The following EEF1AKMT4 variants were observed in gnomAD, a reference collection of about 807,000 sequenced individuals.
The protein encoded by EEF1AKMT4 is EEF1A lysine methyltransferase 4.
EEF1AKMT4 carries 17 observed loss-of-function variants against 23.0 expected under a neutral mutation model. The observed-to-expected ratio is 0.74, with a 90% CI of 0.51 to 1.11. EEF1AKMT4 has a LOEUF of 1.11. Ranked by LOEUF, EEF1AKMT4 falls within the 50% of genes least tolerant of loss-of-function variation. EEF1AKMT4 has a pLI of 0.00. For missense variants in EEF1AKMT4, 318 were observed against 333.4 expected, an observed-to-expected ratio of 0.95 and a Z score of 0.36; for synonymous variants, 140 against 141.4, an observed-to-expected ratio of 0.99 and a Z score of 0.07.
chr3:184,257,002 T>C (rs1685121394), intron 1 of EEF1AKMT4, among the ~76,000 whole-genome samples: 1 of 151,916 alleles, frequency 6.6e-6, no homozygotes, highest in Non-Finnish European at 1.5e-5. Flanking sequence ...TAATGCATCA[T>C]ATCCTGTATA....
intron 1 of EEF1AKMT4, among the ~76,000 whole-genome samples, chr3:184,255,240 G>A (rs1485197183): frequency 1.3e-5 from 2 of 152,186 alleles, no homozygotes; most frequent in Admixed American, 6.5e-5. Flanking sequence ...ACTAAGTCAG[G>A]TTCTGCCACC....
Position 184,257,503 on chromosome 3 carries a change from T to C in EEF1AKMT4, c.227T>C (p.Leu76Pro), listed in dbSNP as rs1719864729. Residue 76 changes from leucine (L) to proline (P), a missense_variant, in exon 2 of 3, where the codon CTG becomes CCG. By Grantham distance (98) the Leu-to-Pro change is moderately conservative (BLOSUM62 -3). Transcript: ENST00000324557. ...GGGAACAGTGCCCTGAGCTACGAGCTGTTCCTCGGAGGCTTCCCTAATGTG... is the reference window on the plus strand; with the variant it reads ...GGGAACAGTGCCCTGAGCTACGAGCCGTTCCTCGGAGGCTTCCCTAATGTG... ...GCGNSALSYELFLGGFPNVTS... is the reference protein window; with the variant it reads ...GCGNSALSYEPFLGGFPNVTS... The C allele has an allele frequency of 6.2e-7, 1 of 1,609,384 alleles. No individual in the cohort carries two copies. The highest frequency in any genetic ancestry group is 2.2e-5 in the East Asian group (1 of 44,762).
intron 1 of EEF1AKMT4, among the ~76,000 whole-genome samples, chr3:184,250,716 TA>T (rs1471599255): frequency 6.6e-6 from 1 of 152,244 alleles, no homozygotes; most frequent in Non-Finnish European, 1.5e-5. Flanking sequence ...ATAACAAATC[TA>T]ATGTGTGTGT....
chr3:184,249,772 G>A lies in EEF1AKMT4; in HGVS notation c.78G>A (p.Trp26Ter). The part of the protein sequence containing the change: ...RNCGYREVEY[W>*]DQRYQGAADS... ...GCGGGTACCGCGAAGTCGAGTACTG[G>A]GATCAGCGCTACCAAGGCGCAGCCG... Residue 26 changes from tryptophan (W) to a stop codon, truncating the protein, a stop_gained, in exon 1 of 3, where the codon TGG (tryptophan) becomes TGA (stop). Transcript: ENST00000324557. LOFTEE classifies it high-confidence loss of function. 6.2e-7 allele frequency: 1 copy of A among 1,613,282 alleles called. No homozygotes were observed. The highest frequency in any genetic ancestry group is 2.2e-5 in the East Asian group (1 of 44,878).
chr3:184,252,593 CT>C (rs1719608457), intron 1 of EEF1AKMT4, among the ~76,000 whole-genome samples: 1 of 152,156 alleles, frequency 6.6e-6, no homozygotes, highest in South Asian at 2.1e-4. Context: ...TACACAGTCT[CT>C]TTTACAATGA....
intron 2 of EEF1AKMT4, 128 bp from the exon 3 acceptor site, chr3:184,258,160 A>T (rs937815091): frequency 1.1e-6 from 1 of 909,412 alleles, no homozygotes; most frequent in East Asian, 2.4e-5. Context: ...ACTCTTTGCC[A>T]TGGAAAGCCT....
At chr3:184,252,760 T>G (rs935240417) in intron 1 of EEF1AKMT4, among the ~76,000 whole-genome samples, 1 of 151,904 alleles carries the variant, frequency 6.6e-6, no homozygotes, top group Non-Finnish European at 1.5e-5. Flanking sequence ...CTGGCCAGCA[T>G]GGTGAAACCC....
chr3:184,258,556 T>C lies in EEF1AKMT4; in HGVS notation c.749T>C (p.Leu250Pro). ...FLQDSDHEDFLSAIQL is the reference protein window; with the variant it reads ...FLQDSDHEDFPSAIQL Reference sequence around the variant, plus strand: ...CAGGACTCAGATCATGAGGACTTCCTTAGTGCCATTCAGCTCTGAGGCCAG... The same window carrying C: ...CAGGACTCAGATCATGAGGACTTCCCTAGTGCCATTCAGCTCTGAGGCCAG... The change falls in exon 3 of 3, where the codon CTT (leucine) becomes CCT (proline). Residue 250 changes from leucine to proline, a missense_variant. Transcript: ENST00000324557. The C allele has an allele frequency of 6.3e-7, 1 of 1,595,116 alleles. No individual in the cohort carries two copies. Among genetic ancestry groups the C allele is most frequent in the Non-Finnish European group, 8.5e-7 (1 of 1,169,816 alleles).
chr3:184,251,574 G>T lies in EEF1AKMT4; in HGVS notation c.196+1684G>T, dbSNP rs1719557323. On this transcript the variant is annotated intron_variant, in intron 1 of 2. Transcript: ENST00000324557. ...AAAACTTAGCTGGGCATGGTGGCCT[G>T]TGCCCATAGTCCGAGTTACTCAAGA... Among the ~76,000 whole-genome samples, 3 of 152,114 alleles carry T rather than the reference G, an allele frequency of 2.0e-5. No individual in the cohort carries two copies. The East Asian group carries it at 5.8e-4, about 29-fold the overall frequency.
At chr3:184,256,287 A>G (rs1719799028) in intron 1 of EEF1AKMT4, among the ~76,000 whole-genome samples, 2 of 146,690 alleles carry the variant, frequency 1.4e-5, no homozygotes, top group Admixed American at 1.3e-4. Flanking sequence ...AAAAAAAAAA[A>G]AAAGAAAAGA....
At chr3:184,252,495 A>G (rs1166273758) in intron 1 of EEF1AKMT4, among the ~76,000 whole-genome samples, 1 of 152,180 alleles carries the variant, frequency 6.6e-6, no homozygotes, top group Non-Finnish European at 1.5e-5. Flanking sequence ...AGACAAGTCA[A>G]AAGTACTAAG....
At chr3:184,249,977 G>T (rs1233434855) in intron 1 of EEF1AKMT4, 87 bp downstream of exon 1, 2 of 1,447,434 alleles carry the variant, frequency 1.4e-6, no homozygotes, top group Non-Finnish European at 9.4e-7. Context: ...CCTCCCGCCT[G>T]TCTATCCCTC....
chr3:184,254,200 G>A (rs1719688373), intron 1 of EEF1AKMT4, among the ~76,000 whole-genome samples: 1 of 152,038 alleles, frequency 6.6e-6, no homozygotes, highest in African/African-American at 2.4e-5. Flanking sequence ...AATGTATATG[G>A]ATGGCTGGCC....
intron 1 of EEF1AKMT4, among the ~76,000 whole-genome samples, chr3:184,252,124 G>A (rs1577113964): frequency 6.6e-6 from 1 of 152,184 alleles, no homozygotes; most frequent in East Asian, 1.9e-4. Context: ...TCTAATTCCA[G>A]GGATGGTCTA....
Position 184,249,794 on chromosome 3 carries a change from G to A in EEF1AKMT4, c.100G>A (p.Ala34Thr). Reference protein sequence around the residue: ...EYWDQRYQGAADSAPYDWFGD... With the variant: ...EYWDQRYQGATDSAPYDWFGD... ...CTGGGATCAGCGCTACCAAGGCGCA[G>A]CCGATTCTGCCCCCTACGATTGGTT... The change falls in exon 1 of 3, where the codon GCC becomes ACC. Residue 34 changes from alanine to threonine, a missense_variant. Transcript: ENST00000324557. 6.2e-7 allele frequency: 1 copy of A among 1,613,358 alleles called. No homozygotes were observed. Among genetic ancestry groups the A allele is most frequent in the Admixed American group, 1.7e-5 (1 of 60,022 alleles).
chr3:184,254,538 A>C (rs1719706478), intron 1 of EEF1AKMT4, among the ~76,000 whole-genome samples: 1 of 146,032 alleles, frequency 6.8e-6, no homozygotes, highest in Admixed American at 6.8e-5. Flanking sequence ...CCCCGTCTCT[A>C]CTAAAAAAAA....
intron 1 of EEF1AKMT4, 84 bp from the exon 2 acceptor site, chr3:184,257,389 G>A: frequency 7.2e-7 from 1 of 1,398,446 alleles, no homozygotes; most frequent in Admixed American, 2.0e-5. Context: ...AGAGAAAACG[G>A]GGCCAAGAGT....
chr3:184,258,185 G>C lies in EEF1AKMT4; in HGVS notation c.481-103G>C. 4.7e-6 allele frequency: 5 copies of C among 1,072,176 alleles called. No homozygotes were observed. In the South Asian group the frequency reaches 7.5e-5, roughly 16 times the overall value. 66.4% of individuals were successfully genotyped at this position (1,072,176 alleles called of 1,614,324 possible). On this transcript the variant is annotated intron_variant, in intron 2 of 2. Transcript: ENST00000324557. ...ATGGAAAGCCTGAGCTACAGATGTG[G>C]GGTGGTTCCTGAGGTTTGACTGGGA...
rs1719443393 is a variant in EEF1AKMT4, at chr3:184,249,886, G to A, written c.192G>A (p.Val64=). 6.2e-7 allele frequency: 1 copy of A among 1,608,192 alleles called. No homozygotes were observed. Among genetic ancestry groups the A allele is most frequent in the South Asian group, 1.1e-5 (1 of 91,024 alleles). ...PELRPEDRIL[V]LGCGNSALSY... is the part of the protein sequence containing the mutation. ...TGCGGCCCGAGGACCGTATCCTTGTGCTAGGTGGGTAATCCCGGCGCGGCC... is the reference window on the plus strand; with the variant it reads ...TGCGGCCCGAGGACCGTATCCTTGTACTAGGTGGGTAATCCCGGCGCGGCC... Residue 64 remains valine (V), a synonymous_variant, in exon 1 of 3, where the codon GTG becomes GTA. Coordinates refer to ENST00000324557, the MANE Select transcript of EEF1AKMT4 (RefSeq NM_032331.4).
Sources: gnomAD v4.1 joint callset for allele counts (sites outside exome capture counted in the v4.1 genomes callset) on GRCh38, gnomAD v4.1.1 for gene constraint, MANE v1.5 for transcripts, NCBI Gene and HGNC (gene_info 2026-07-23, HGNC 2026-07-21) for gene names.